Variants in GPC5 observed in about 807,000 individuals in gnomAD.
GPC5 encodes the protein glypican-5.
A neutral mutation model predicts 53.9 loss-of-function variants in GPC5; 47 were observed. The ratio of observed to expected loss-of-function variants is 0.87; its 90% CI spans 0.69 to 1.11. The LOEUF is 1.11. GPC5 is among the 50% of genes most tolerant of loss of function. The pLI is 0.00. For missense variants in GPC5, 748 were observed against 713.1 expected, an observed-to-expected ratio of 1.05 and a Z score of -0.56; for synonymous variants, 286 against 263.3, an observed-to-expected ratio of 1.09 and a Z score of -0.84.
chr13:92,635,148 T>C (rs1885372367), intron 7 of GPC5, among the ~76,000 whole-genome samples: 1 of 152,132 alleles, frequency 6.6e-6, no homozygotes, highest in Non-Finnish European at 1.5e-5. Context: ...TTGTTAAACA[T>C]TTCTGAAATT....
intron 7 of GPC5, among the ~76,000 whole-genome samples, chr13:92,522,815 CAACTT>C (rs1047229047): frequency 1.3e-5 from 2 of 152,018 alleles, no homozygotes; most frequent in East Asian, 3.9e-4. Context: ...TAACACATCT[CAACTT>C]ATTTGCTAAA....
At chr13:91,903,837 A>T (rs1677367676) in intron 5 of GPC5, among the ~76,000 whole-genome samples, 1 of 152,114 alleles carries the variant, frequency 6.6e-6, no homozygotes, top group South Asian at 2.1e-4. Flanking sequence ...GTAAGCAGGT[A>T]AGCAATTCCT....
At position 92,593,184 on chromosome 13, in the gene GPC5, T is replaced by A. The variant is rs971980515; in HGVS notation, c.1562-273098T>A. Among the ~76,000 whole-genome samples the A allele has an allele frequency of 6.6e-5, 10 of 151,022 alleles. 1 individual carries two copies. Among genetic ancestry groups the A allele is most frequent in the African/African-American group, 2.4e-4 (10 of 41,078 alleles). On this transcript the variant is annotated intron_variant, in intron 7 of 7. Coordinates refer to ENST00000377067, the MANE Select transcript of GPC5 (RefSeq NM_004466.6). ...TTTAAGTTTTTGAACCATCTCTGTC[T>A]GTTGAAAACTGACTGTAGAGAAAAA...
chr13:92,034,626 A>G (rs1433098041), intron 6 of GPC5, among the ~76,000 whole-genome samples: 3 of 152,220 alleles, frequency 2.0e-5, no homozygotes, highest in Middle Eastern at 3.2e-3. Flanking sequence ...CTCTGAATTG[A>G]AAGATGCTTA....
intron 2 of GPC5, among the ~76,000 whole-genome samples, chr13:91,468,958 G>T (rs1882426914): frequency 2.0e-5 from 3 of 148,330 alleles, no homozygotes; most frequent in Non-Finnish European, 3.0e-5. Flanking sequence ...GCTCACTGTA[G>T]CCTTGACCTC....
At chr13:91,845,315 C>G (rs956242125) in intron 5 of GPC5, among the ~76,000 whole-genome samples, 1 of 151,310 alleles carries the variant, frequency 6.6e-6, no homozygotes, top group Admixed American at 6.6e-5. Flanking sequence ...TTTTTTTAAT[C>G]GTTTAGTCTT....
At chr13:92,069,283 T>A (rs1047117796) in intron 6 of GPC5, among the ~76,000 whole-genome samples, 1 of 152,162 alleles carries the variant, frequency 6.6e-6, no homozygotes, top group Non-Finnish European at 1.5e-5. Flanking sequence ...GAAAATTTTC[T>A]GTTTCAAGAT....
intron 7 of GPC5, among the ~76,000 whole-genome samples, chr13:92,149,274 G>A (rs372663208): frequency 6.9e-4 from 105 of 152,010 alleles, no homozygotes; most frequent in African/African-American, 2.3e-3. Flanking sequence ...TTACTGAATC[G>A]TAATTATGAA....
At chr13:92,467,884 T>G (rs184918344) in intron 7 of GPC5, among the ~76,000 whole-genome samples, 17 of 152,266 alleles carry the variant, frequency 1.1e-4, no homozygotes, top group African/African-American at 3.8e-4. Context: ...AGGCTTGATG[T>G]GCTTTGGGGA....
chr13:91,908,764 G>T (rs184720564), intron 6 of GPC5, among the ~76,000 whole-genome samples: 1 of 151,868 alleles, frequency 6.6e-6, no homozygotes, highest in African/African-American at 2.4e-5. Context: ...GGTAAGAAAG[G>T]CTATTTTTTT....
intron 7 of GPC5, among the ~76,000 whole-genome samples, chr13:92,336,671 A>T (rs1926641): frequency 2.0e-5 from 3 of 151,842 alleles, no homozygotes; most frequent in African/African-American, 7.3e-5. Context: ...TTTGTTTTCA[A>T]GGAAACCATA....
chr13:91,813,045 G>A (rs1478790030), intron 5 of GPC5, among the ~76,000 whole-genome samples: 1 of 152,128 alleles, frequency 6.6e-6, no homozygotes, highest in Non-Finnish European at 1.5e-5. Context: ...CTACATTTCT[G>A]TGACTTGAAA....
intron 5 of GPC5, among the ~76,000 whole-genome samples, chr13:91,788,436 T>C (rs891409199): frequency 5.9e-5 from 9 of 152,168 alleles, no homozygotes; most frequent in Admixed American, 6.5e-5. Context: ...ATTCAATCTG[T>C]AGCAATGCAT....
intron 2 of GPC5, among the ~76,000 whole-genome samples, chr13:91,567,134 G>A (rs929420048): frequency 2.0e-5 from 3 of 152,020 alleles, no homozygotes; most frequent in African/African-American, 7.2e-5. Context: ...CCATAAGCAT[G>A]TGACTCCATT....
At chr13:92,730,604 C>CTTTTTATTTCT (rs1555307420) in intron 7 of GPC5, among the ~76,000 whole-genome samples, 1 of 149,636 alleles carries the variant, frequency 6.7e-6, no homozygotes, top group Non-Finnish European at 1.5e-5. Context: ...CTTTTTATTT[C>CTTTTTATTTCT]TTTTTTTTTG....
chr13:91,823,095 A>ATATATG (rs2038521405), intron 5 of GPC5, among the ~76,000 whole-genome samples: 2 of 152,108 alleles, frequency 1.3e-5, no homozygotes, highest in African/African-American at 4.8e-5. Context: ...ATATACTGAG[A>ATATATG]AGGAAAAGGT....
chr13:92,678,055 T>C (rs1489027268), intron 7 of GPC5, among the ~76,000 whole-genome samples: 1 of 152,210 alleles, frequency 6.6e-6, no homozygotes, highest in Non-Finnish European at 1.5e-5. Flanking sequence ...AATAAATGTG[T>C]TTAGAGGATA....
At chr13:92,046,944 C>A (rs2040986696) in intron 6 of GPC5, among the ~76,000 whole-genome samples, 1 of 152,242 alleles carries the variant, frequency 6.6e-6, no homozygotes, top group South Asian at 2.1e-4. Context: ...AAAATATTTA[C>A]AAGTAATATT....
chr13:92,416,313 G>A (rs1876287661), intron 7 of GPC5, among the ~76,000 whole-genome samples: 1 of 152,164 alleles, frequency 6.6e-6, no homozygotes, highest in Non-Finnish European at 1.5e-5. Flanking sequence ...ATAGTTTAAG[G>A]TGTAAGAAGG....
Sources: allele counts gnomAD v4.1 joint callset (sites outside exome capture counted in the v4.1 genomes callset), GRCh38; gene constraint gnomAD v4.1.1; transcripts MANE v1.5; gene names NCBI Gene and HGNC (gene_info 2026-07-23, HGNC 2026-07-21).